Variants in SINHCAF observed in about 807,000 individuals in gnomAD.
SINHCAF encodes the protein SIN3-HDAC complex-associated factor.
A neutral mutation model predicts 25.8 loss-of-function variants in SINHCAF; 3 were observed. The ratio of observed to expected loss-of-function variants is 0.12; its 90% CI spans 0.05 to 0.30. The LOEUF (loss-of-function observed/expected upper bound fraction) is 0.30, where lower values mean the gene tolerates loss of function less well. SINHCAF is among the 10% of genes least tolerant of loss of function. The probability of loss-of-function intolerance (pLI) is 1.00; values close to 1 mark genes in which losing one functional copy is unlikely to be tolerated. For synonymous variants in SINHCAF, 70 were observed against 85.5 expected (o/e 0.82, Z 1.00); for missense variants, 121 against 262.3 (o/e 0.46, Z 3.72).
intron 1 of SINHCAF, chr12:31,304,204 G>C (rs1183493784): frequency 6.6e-6 from 1 of 151,810 alleles, no homozygotes; most frequent in Non-Finnish European, 1.5e-5. Context: ...GAGTTGGTGG[G>C]TGTGGCCCAA....
chr12:31,314,789 T>C (rs570591197), intron 1 of SINHCAF, among the ~76,000 whole-genome samples: 1 of 152,348 alleles, frequency 6.6e-6, no homozygotes, highest in Non-Finnish European at 1.5e-5. Flanking sequence ...GGTCTGCATA[T>C]ATCAAAGGAT....
At chr12:31,295,145 G>A (rs1592964538) in intron 3 of SINHCAF, 89 bp downstream of exon 3, 3 of 754,640 alleles carry the variant, frequency 4.0e-6, no homozygotes, top group Non-Finnish European at 6.6e-6. Context: ...TTCTACCCTA[G>A]GGATATATTA....
chr12:31,288,334 AC>A (rs1938160578), intron 4 of SINHCAF, among the ~76,000 whole-genome samples: 1 of 152,194 alleles, frequency 6.6e-6, no homozygotes, highest in Non-Finnish European at 1.5e-5. Flanking sequence ...TTCCAGCCAA[AC>A]CCACGGAAAA....
At chr12:31,299,700 ATAAACT>A (rs756440047) in intron 1 of SINHCAF, among the ~76,000 whole-genome samples, 1 of 152,220 alleles carries the variant, frequency 6.6e-6, no homozygotes, top group Non-Finnish European at 1.5e-5. Flanking sequence ...TGTTTTAGAA[ATAAACT>A]TAGATGAGTA....
intron 5 of SINHCAF, among the ~76,000 whole-genome samples, chr12:31,284,820 C>T (rs1937966447): frequency 6.6e-6 from 1 of 152,094 alleles, no homozygotes; most frequent in South Asian, 2.1e-4. Flanking sequence ...TTTTCTATTC[C>T]TAGTCCCAAA....
intron 4 of SINHCAF, among the ~76,000 whole-genome samples, chr12:31,288,634 A>G (rs1436208302): frequency 6.7e-5 from 1 of 14,864 alleles, no homozygotes; most frequent in Non-Finnish European, 1.0e-4. Context: ...CCTGGCGGTA[A>G]GTAATAGGGT....
At chr12:31,318,713 A>C (rs1049163950) in intron 1 of SINHCAF, among the ~76,000 whole-genome samples, 7 of 151,998 alleles carry the variant, frequency 4.6e-5, no homozygotes, top group Middle Eastern at 3.2e-3. Flanking sequence ...GAATTCCAGT[A>C]CATGAAAAAA....
intron 2 of SINHCAF, among the ~76,000 whole-genome samples, chr12:31,296,371 G>A (rs1448405355): frequency 6.6e-6 from 1 of 151,592 alleles, no homozygotes; most frequent in Non-Finnish European, 1.5e-5. Flanking sequence ...TTGCCATGTT[G>A]CCCAGGCTGG....
At chr12:31,317,164 T>C (rs956149773) in intron 1 of SINHCAF, among the ~76,000 whole-genome samples, 1 of 152,178 alleles carries the variant, frequency 6.6e-6, no homozygotes, top group Non-Finnish European at 1.5e-5. Context: ...TCAAACGTGG[T>C]AAATAACAGT....
chr12:31,297,467 ATTT>A (rs777087270), intron 2 of SINHCAF, among the ~76,000 whole-genome samples: 3 of 103,408 alleles, frequency 2.9e-5, no homozygotes, highest in African/African-American at 3.8e-5. Flanking sequence ...GTCAAGCGTA[ATTT>A]TTTTTTTTTT....
chr12:31,314,615 TAGG>T (rs990239572), intron 1 of SINHCAF, among the ~76,000 whole-genome samples: 18 of 151,766 alleles, frequency 1.2e-4, no homozygotes, highest in Non-Finnish European at 2.1e-4. Context: ...TTTTTTTTAA[TAGG>T]AGAGTATATT....
At chr12:31,307,526 G>C (rs1939084112) in intron 1 of SINHCAF, among the ~76,000 whole-genome samples, 1 of 152,138 alleles carries the variant, frequency 6.6e-6, no homozygotes, top group African/African-American at 2.4e-5. Flanking sequence ...CTGCAGTCCA[G>C]CCTGGGTGAC....
chr12:31,316,183 T>TA (rs953144834), intron 1 of SINHCAF, among the ~76,000 whole-genome samples: 94 of 142,000 alleles, frequency 6.6e-4, no homozygotes, highest in East Asian at 2.7e-3. Flanking sequence ...AAATAAAAAA[T>TA]AAAAAAAAAA....
chr12:31,294,050 C>T, intron 3 of SINHCAF, 119 bp from the exon 4 acceptor site: 1 of 654,630 alleles, frequency 1.5e-6, no homozygotes, highest in Non-Finnish European at 2.4e-6. Context: ...GATGAAGCTC[C>T]ATGTGCACCT....
At chr12:31,302,103 T>C (rs1033119073) in intron 1 of SINHCAF, among the ~76,000 whole-genome samples, 8 of 152,160 alleles carry the variant, frequency 5.3e-5, no homozygotes, top group African/African-American at 1.2e-4. Flanking sequence ...TGCTTTCTAA[T>C]TGATTAATAG....
Position 31,325,910 on chromosome 12 carries a change from T to C in SINHCAF, c.-21+114A>G, listed in dbSNP as rs1383679771. 8.6e-5 allele frequency: 13 copies of C among 150,926 alleles called. No individual in the cohort carries two copies. The highest frequency in any genetic ancestry group is 3.2e-4 in the African/African-American group (13 of 40,884). The allele number at this position is 150,926 out of a possible 1,614,324, so 9.3% of individuals were successfully genotyped here. A position where few individuals can be genotyped will look rare whatever the true frequency, so the allele number is the denominator to read the frequency against. ...CACCTCCAAGACAAAACTTCCTGTG[T>C]GTATGTGGAAGGACGGGGGGAGGTG... On this transcript the variant is annotated intron_variant, in intron 1 of 5. Transcript: ENST00000337682. This position sits in a 1 kb window ranked among gnomAD's most constrained non-coding sequence, Gnocchi z 5.9.
At chr12:31,294,159 G>GA (rs1938452636) in intron 3 of SINHCAF, among the ~76,000 whole-genome samples, 3 of 151,742 alleles carry the variant, frequency 2.0e-5, no homozygotes, top group Admixed American at 6.6e-5. Flanking sequence ...GAGTCTATTG[G>GA]AAAAAAATTT....
intron 1 of SINHCAF, among the ~76,000 whole-genome samples, chr12:31,300,435 T>C (rs1938741422): frequency 6.6e-6 from 1 of 152,136 alleles, no homozygotes; most frequent in Admixed American, 6.5e-5. Context: ...AAGAACTGTT[T>C]TAAAAAAAAC....
chr12:31,313,800 C>G (rs957929433), intron 1 of SINHCAF, among the ~76,000 whole-genome samples: 4 of 152,076 alleles, frequency 2.6e-5, no homozygotes, highest in Admixed American at 2.6e-4. Context: ...AGGTGCCCAC[C>G]ACCTCGCCCG....
Sources: allele counts gnomAD v4.1 joint callset (sites outside exome capture counted in the v4.1 genomes callset), GRCh38; gene constraint gnomAD v4.1.1; non-coding constraint Gnocchi (gnomAD v3.1); transcripts MANE v1.5; gene names NCBI Gene and HGNC (gene_info 2026-07-23, HGNC 2026-07-21).